The following VTI1A variants were observed in gnomAD, a reference collection of about 807,000 sequenced individuals.
VTI1A encodes vesicle transport through interaction with t-SNAREs homolog 1A.
In VTI1A, 22 loss-of-function variants were observed where a neutral mutation model predicts 34.9. The observed-to-expected ratio is 0.63, with a 90% CI of 0.45 to 0.90. The LOEUF is 0.90. Ranked by LOEUF, VTI1A falls within the 40% of genes least tolerant of loss-of-function variation. VTI1A has a pLI of 0.00. For synonymous variants in VTI1A, 87 were observed against 97.3 expected (o/e 0.89, Z 0.62); for missense variants, 268 against 275.6 (o/e 0.97, Z 0.20).
intron 3 of VTI1A, among the ~76,000 whole-genome samples, chr10:112,508,036 C>T (rs11195977): frequency 0.19 from 29,603 of 151,900 alleles, 3,150 homozygotes; most frequent in East Asian, 0.43. Context: ...GCTTCTCCAG[C>T]TTGTATTTGT....
intron 5 of VTI1A, among the ~76,000 whole-genome samples, chr10:112,553,896 A>G (rs1444315222): frequency 6.6e-6 from 1 of 152,222 alleles, no homozygotes; most frequent in Non-Finnish European, 1.5e-5. Context: ...CTATCTCTGC[A>G]AAGTATTTAT....
the VTI1A span, among the ~76,000 whole-genome samples, chr10:112,829,300 C>G: frequency 1.3e-5 from 2 of 151,834 alleles, no homozygotes; most frequent in African/African-American, 4.8e-5. Context: ...AAAAATTAGC[C>G]GAGCGTGGTG....
At chr10:112,625,998 T>G (rs1845910193) in intron 5 of VTI1A, among the ~76,000 whole-genome samples, 1 of 152,212 alleles carries the variant, frequency 6.6e-6, no homozygotes. Context: ...TACTGTTTTG[T>G]CTATTCTAAT....
intron 5 of VTI1A, among the ~76,000 whole-genome samples, chr10:112,575,309 G>A (rs1589923832): frequency 2.0e-5 from 3 of 152,152 alleles, no homozygotes; most frequent in South Asian, 4.1e-4. Context: ...CCTGTAGTTC[G>A]TTTTCAGTTT....
chr10:112,611,148 A>G (rs1845294185), intron 5 of VTI1A, among the ~76,000 whole-genome samples: 1 of 152,222 alleles, frequency 6.6e-6, no homozygotes, highest in South Asian at 2.1e-4. Flanking sequence ...GACAAATCCT[A>G]ATAATCTTTA....
At chr10:112,757,629 G>A (rs1235015138) in intron 7 of VTI1A, among the ~76,000 whole-genome samples, 1 of 151,942 alleles carries the variant, frequency 6.6e-6, no homozygotes, top group Non-Finnish European at 1.5e-5. Context: ...CAAGTGATCT[G>A]CCCACCTCGT....
At chr10:112,822,867 A>G (rs550205698), downstream of VTI1A, among the ~76,000 whole-genome samples, 1 of 152,272 alleles carries the variant, frequency 6.6e-6, no homozygotes, top group African/African-American at 2.4e-5. Flanking sequence ...AGCATCTACT[A>G]TGTTCCAGGC....
intron 7 of VTI1A, among the ~76,000 whole-genome samples, chr10:112,761,782 G>C (rs1027438588): frequency 6.6e-6 from 1 of 151,418 alleles, no homozygotes; most frequent in Non-Finnish European, 1.5e-5. Flanking sequence ...GTGTGTGTGT[G>C]TGTGTGTGTG....
At chr10:112,823,356 A>G, downstream of VTI1A, 1 of 152,232 alleles carries the variant, frequency 6.6e-6, no homozygotes, top group East Asian at 1.9e-4. Flanking sequence ...CTTGGCAGGC[A>G]ATCAGGAGCC....
intron 3 of VTI1A, among the ~76,000 whole-genome samples, chr10:112,486,661 A>G (rs1848642858): frequency 6.6e-6 from 1 of 151,640 alleles, no homozygotes; most frequent in African/African-American, 2.4e-5. Flanking sequence ...ATACAGTTGT[A>G]TATTCTTAAG....
At position 112,447,412 on chromosome 10, in the gene VTI1A, G is replaced by A. The variant is rs1365050009; in HGVS notation, c.39G>A (p.Ala13=). ...TCGAAGGTTACGAGCAGGACTTCGC[G>A]GTGCTCACTGCAGAGATCACCAGCA... ...SDFEGYEQDF[A]VLTAEITSKI... Residue 13 remains alanine (A), a synonymous_variant, in exon 1 of 8, where the codon GCG becomes GCA. Coordinates refer to ENST00000393077, the MANE Select transcript of VTI1A (RefSeq NM_145206.4). 8 of 1,613,646 alleles carry A rather than the reference G, an allele frequency of 5.0e-6. No individual in the cohort carries two copies. Among genetic ancestry groups the A allele is most frequent in the Non-Finnish European group, 6.8e-6 (8 of 1,179,978 alleles).
Position 112,808,684 on chromosome 10 carries a change from T to C in VTI1A, c.561-6606T>C, listed in dbSNP as rs142897360. ...CCCCAACCATACTTGCTGCAGTCAA[T>C]GGGGAATTGTTTGGCTCCTGTAACT... On this transcript the variant is annotated intron_variant, in intron 7 of 7. Coordinates refer to ENST00000393077, the MANE Select transcript of VTI1A (RefSeq NM_145206.4). Among the ~76,000 whole-genome samples, 390 of 146,524 alleles carry C rather than the reference T, an allele frequency of 2.7e-3. 4 individuals are homozygous for C. Among genetic ancestry groups the C allele is most frequent in the African/African-American group, 9.3e-3 (369 of 39,622 alleles).
At position 112,787,275 on chromosome 10, in the gene VTI1A, T is replaced by G. The variant is rs112289343; in HGVS notation, c.561-28015T>G. On this transcript the variant is annotated intron_variant, in intron 7 of 7. Coordinates refer to ENST00000393077, the MANE Select transcript of VTI1A (RefSeq NM_145206.4). ...TTTCATTCCTGATATTGGTCATTTGTATCTTCTTCCCTTTTTTCTTGGTCA... is the reference window on the plus strand; with the variant it reads ...TTTCATTCCTGATATTGGTCATTTGGATCTTCTTCCCTTTTTTCTTGGTCA... 6.0e-3 allele frequency among the ~76,000 whole-genome samples: 917 copies of G among 152,348 alleles called. 5 individuals are homozygous for G. Among genetic ancestry groups the G allele is most frequent in the African/African-American group, 0.021 (865 of 41,576 alleles).
At chr10:112,581,615 ATGAT>A (rs985050832) in intron 5 of VTI1A, among the ~76,000 whole-genome samples, 2 of 152,184 alleles carry the variant, frequency 1.3e-5, no homozygotes, top group African/African-American at 4.8e-5. Context: ...TATGATGATG[ATGAT>A]TGATTATGAT....
At chr10:112,745,487 C>T (rs981412011) in intron 7 of VTI1A, among the ~76,000 whole-genome samples, 1 of 152,100 alleles carries the variant, frequency 6.6e-6, no homozygotes, top group African/African-American at 2.4e-5. Context: ...GACCTCTGAG[C>T]CTGCACCTTT....
intron 7 of VTI1A, among the ~76,000 whole-genome samples, chr10:112,671,342 A>C (rs1350959770): frequency 6.6e-6 from 1 of 152,184 alleles, no homozygotes; most frequent in Non-Finnish European, 1.5e-5. Flanking sequence ...AGGAAATGTT[A>C]TGTTATTGAA....
chr10:112,546,046 A>T (rs1000472843), intron 5 of VTI1A, among the ~76,000 whole-genome samples: 2 of 150,486 alleles, frequency 1.3e-5, no homozygotes, highest in Non-Finnish European at 3.0e-5. Flanking sequence ...GTGTGTGTAT[A>T]TACGTGTATA....
chr10:112,726,318 A>G (rs770427496), intron 7 of VTI1A, among the ~76,000 whole-genome samples: 2 of 152,130 alleles, frequency 1.3e-5, no homozygotes, highest in Admixed American at 6.5e-5. Flanking sequence ...CACTTCTCTA[A>G]TGTTGAAGAA....
intron 7 of VTI1A, among the ~76,000 whole-genome samples, chr10:112,695,401 A>T (rs1158970525): frequency 6.6e-6 from 1 of 152,096 alleles, no homozygotes; most frequent in Admixed American, 6.6e-5. Context: ...AGGTATAAAG[A>T]TTAAAAAAAA....
Sources: allele counts gnomAD v4.1 joint callset (sites outside exome capture counted in the v4.1 genomes callset), GRCh38; gene constraint gnomAD v4.1.1; transcripts MANE v1.5; gene names NCBI Gene and HGNC (gene_info 2026-07-23, HGNC 2026-07-21).